The following GPM6A variants were observed in gnomAD, a reference collection of about 807,000 sequenced individuals.
The protein encoded by GPM6A is neuronal membrane glycoprotein M6-a.
Under a neutral mutation model 32.1 loss-of-function variants are expected in GPM6A, and 7 were observed. The observed-to-expected ratio is 0.22, with a 90% CI of 0.12 to 0.41. The LOEUF is 0.41. GPM6A is among the 10% of genes least tolerant of loss of function. The probability of loss-of-function intolerance (pLI) is 1.00; values close to 1 mark genes in which losing one functional copy is unlikely to be tolerated. For synonymous variants in GPM6A, 130 were observed against 123.4 expected, an observed-to-expected ratio of 1.05 and a Z score of -0.35; for missense variants, 235 against 347.2, an observed-to-expected ratio of 0.68 and a Z score of 2.57.
At chr4:175,926,014 G>C (rs893727468) in intron 1 of GPM6A, among the ~76,000 whole-genome samples, 4 of 151,796 alleles carry the variant, frequency 2.6e-5, no homozygotes, top group African/African-American at 9.7e-5. Flanking sequence ...ACCACACCCA[G>C]CTAATGTTTA....
intron 1 of GPM6A, among the ~76,000 whole-genome samples, chr4:175,818,500 G>T (rs1038581270): frequency 3.9e-5 from 6 of 152,200 alleles, no homozygotes; most frequent in Non-Finnish European, 8.8e-5. Context: ...CCCCTGGCCT[G>T]CGGCCTATAA....
chr4:175,732,164 A>C (rs1335443924), intron 1 of GPM6A, among the ~76,000 whole-genome samples: 1 of 151,424 alleles, frequency 6.6e-6, no homozygotes, highest in South Asian at 2.1e-4. Context: ...ACAGGATTTC[A>C]CCATGTTGGC....
intron 1 of GPM6A, among the ~76,000 whole-genome samples, chr4:175,773,611 G>C (rs1733277597): frequency 6.6e-6 from 1 of 152,112 alleles, no homozygotes; most frequent in Admixed American, 6.6e-5. Flanking sequence ...ACTTGTGAGA[G>C]AAAGTAATGA....
intron 1 of GPM6A, among the ~76,000 whole-genome samples, chr4:175,865,825 G>T (rs1394400509): frequency 2.6e-5 from 4 of 151,602 alleles, no homozygotes; most frequent in Non-Finnish European, 5.9e-5. Flanking sequence ...CTTTGATTTT[G>T]TTATCAGTAG....
intron 1 of GPM6A, among the ~76,000 whole-genome samples, chr4:175,824,054 T>G (rs1008828015): frequency 6.6e-6 from 1 of 152,180 alleles, no homozygotes; most frequent in African/African-American, 2.4e-5. Context: ...CCTTAGATTG[T>G]GATCTACTCT....
rs62340582 is a variant in GPM6A at position 175,945,835 on chromosome 4, G to A, written c.-23+56474C>T. On this transcript the variant is annotated intron_variant, in intron 1 of 7. Transcript: ENST00000280187. ...ACTCAGTAATACGGGTGCATATTAC[G>A]TACAACTCAGTAATACGGGTGCATA... 6.0e-3 allele frequency among the ~76,000 whole-genome samples: 731 copies of A among 120,940 alleles called. 8 individuals carry two copies. The highest frequency in any genetic ancestry group is 0.021 in the African/African-American group (659 of 30,786). The allele number at this position is 120,940 out of a possible 152,430, so 79.3% of individuals were successfully genotyped here.
chr4:175,716,639 C>A (rs367706493), intron 1 of GPM6A, among the ~76,000 whole-genome samples: 1 of 152,194 alleles, frequency 6.6e-6, no homozygotes, highest in Non-Finnish European at 1.5e-5. Flanking sequence ...AATAAAAACA[C>A]AAACACACAA....
chr4:175,983,670 G>A (rs574275025), intron 1 of GPM6A, among the ~76,000 whole-genome samples: 1 of 152,114 alleles, frequency 6.6e-6, no homozygotes, highest in East Asian at 1.9e-4. Flanking sequence ...GTTGCATATT[G>A]GTTTCAATTT....
At chr4:175,707,873 C>T (rs1334547187) in intron 1 of GPM6A, among the ~76,000 whole-genome samples, 1 of 152,028 alleles carries the variant, frequency 6.6e-6, no homozygotes, top group East Asian at 1.9e-4. Context: ...TGCTTCCCAT[C>T]TGGTAAAATA....
chr4:175,786,260 C>G (rs1322939620), intron 1 of GPM6A, among the ~76,000 whole-genome samples: 1 of 150,974 alleles, frequency 6.6e-6, no homozygotes, highest in Non-Finnish European at 1.5e-5. Flanking sequence ...CAAATAACAC[C>G]ATCTTTTTTG....
chr4:175,779,578 A>G (rs776454790), intron 1 of GPM6A, among the ~76,000 whole-genome samples: 1 of 152,196 alleles, frequency 6.6e-6, no homozygotes, highest in Non-Finnish European at 1.5e-5. Context: ...GCTCTCAAGA[A>G]TATGTTCTAC....
chr4:175,896,243 C>G (rs895521339), intron 1 of GPM6A, among the ~76,000 whole-genome samples: 1 of 152,094 alleles, frequency 6.6e-6, no homozygotes, highest in African/African-American at 2.4e-5. Context: ...GATCCCACAT[C>G]GTTCTGCTTT....
At chr4:175,815,533 C>A (rs1446955431), upstream of GPM6A, among the ~76,000 whole-genome samples, 1 of 151,980 alleles carries the variant, frequency 6.6e-6, no homozygotes, top group Non-Finnish European at 1.5e-5. Context: ...TCATCTAATA[C>A]TCTTTCCATT....
At chr4:175,794,157 A>T (rs1487731594) in intron 1 of GPM6A, among the ~76,000 whole-genome samples, 1 of 152,246 alleles carries the variant, frequency 6.6e-6, no homozygotes, top group African/African-American at 2.4e-5. Flanking sequence ...TGGAAAAATT[A>T]TCAAAAATCT....
chr4:175,704,243 C>T (rs1211828499), intron 1 of GPM6A, among the ~76,000 whole-genome samples: 1 of 152,054 alleles, frequency 6.6e-6, no homozygotes, highest in Non-Finnish European at 1.5e-5. Flanking sequence ...AACACCTTCC[C>T]ACTTCAGTAG....
intron 1 of GPM6A, among the ~76,000 whole-genome samples, chr4:175,925,411 C>T (rs899533781): frequency 3.9e-5 from 6 of 152,086 alleles, no homozygotes; most frequent in Admixed American, 2.6e-4. Context: ...GTCATAAATG[C>T]TTCAAGTAGA....
chr4:175,923,845 T>C (rs896644844), intron 1 of GPM6A, among the ~76,000 whole-genome samples: 2 of 152,074 alleles, frequency 1.3e-5, no homozygotes. Context: ...TGAGCCATCA[T>C]GCCCAATCTC....
At chr4:175,831,620 A>G (rs1735613266) in intron 1 of GPM6A, among the ~76,000 whole-genome samples, 1 of 149,924 alleles carries the variant, frequency 6.7e-6, no homozygotes, top group African/African-American at 2.4e-5. Context: ...CCTCCTAGGG[A>G]GTCCCCTGCA....
chr4:175,974,667 T>A (rs1740607059), intron 1 of GPM6A, among the ~76,000 whole-genome samples: 1 of 150,828 alleles, frequency 6.6e-6, no homozygotes, highest in African/African-American at 2.4e-5. Context: ...CAGACACCTC[T>A]CCTGGTACCT....
Sources: allele counts gnomAD v4.1 joint callset (sites outside exome capture counted in the v4.1 genomes callset), GRCh38; gene constraint gnomAD v4.1.1; transcripts MANE v1.5; gene names NCBI Gene and HGNC (gene_info 2026-07-23, HGNC 2026-07-21).